The following LRP1B variants were observed in gnomAD, a reference collection of about 807,000 sequenced individuals.
LRP1B encodes low-density lipoprotein receptor-related protein 1B.
In LRP1B, 217 loss-of-function variants were observed where a neutral mutation model predicts 556.6. That is an observed-to-expected ratio of 0.39 (90% confidence interval 0.35 to 0.44). The LOEUF is 0.44. Ranked by LOEUF, LRP1B falls within the 20% of genes least tolerant of loss-of-function variation. LRP1B has a pLI of 1.00. For missense variants in LRP1B, 5,053 were observed against 5,620.8 expected (o/e 0.90, Z 3.23); for synonymous variants, 2,047 against 1,865.8 (o/e 1.10, Z -2.50).
At chr2:140,800,423 A>T (rs1259992587) in intron 32 of LRP1B, among the ~76,000 whole-genome samples, 1 of 152,192 alleles carries the variant, frequency 6.6e-6, no homozygotes, top group Non-Finnish European at 1.5e-5. Flanking sequence ...TTGCTGCACT[A>T]TTTATTAACT....
At chr2:141,716,456 T>C (rs947759971) in intron 2 of LRP1B, among the ~76,000 whole-genome samples, 2 of 152,156 alleles carry the variant, frequency 1.3e-5, no homozygotes, top group Non-Finnish European at 2.9e-5. Flanking sequence ...GAATGACTCT[T>C]TTTTTAGTGC....
intron 32 of LRP1B, among the ~76,000 whole-genome samples, chr2:140,786,195 A>T (rs1003864835): frequency 2.0e-5 from 3 of 152,228 alleles, no homozygotes; most frequent in African/African-American, 7.2e-5. Flanking sequence ...TGACTGCCCA[A>T]AGTGCTCTGT....
At chr2:140,749,794 C>T (rs1688506958) in intron 35 of LRP1B, among the ~76,000 whole-genome samples, 1 of 152,072 alleles carries the variant, frequency 6.6e-6, no homozygotes, top group Non-Finnish European at 1.5e-5. Context: ...ATACATAAAC[C>T]AGTAACATAA....
In LRP1B at chr2:140,334,555, T is replaced by A. The variant is rs760687950; in HGVS notation, c.12121A>T (p.Met4041Leu). 1.0e-5 allele frequency: 16 copies of A among 1,575,236 alleles called. No individual in the cohort carries two copies. Among genetic ancestry groups the A allele is most frequent in the Non-Finnish European group, 1.3e-5 (15 of 1,159,838 alleles). The change falls in exon 79 of 91, where the codon ATG becomes TTG. Residue 4041 changes from methionine to leucine, a missense_variant. By Grantham distance (15) the Met-to-Leu change is conservative. This residue lies in a region of LRP1B where 599 missense variants were observed against 648.4 expected (regional missense o/e 0.92). Coordinates refer to ENST00000389484, the MANE Select transcript of LRP1B (RefSeq NM_018557.3). Reference sequence around the variant, plus strand: ...TGATCCCCAACAACAGTCCAGTACATCATCCTGAAGAGAGCGGGTCAGAGA... The same window carrying A: ...TGATCCCCAACAACAGTCCAGTACAACATCCTGAAGAGAGCGGGTCAGAGA... ...AIAVNPKRGM[M>L]YWTVVGDHSH...
intron 2 of LRP1B, among the ~76,000 whole-genome samples, chr2:141,521,926 A>G (rs748464847): frequency 1.9e-4 from 29 of 152,128 alleles, no homozygotes; most frequent in Non-Finnish European, 3.8e-4. Context: ...CGTGTACAGC[A>G]TCATGCTAGG....
At chr2:141,404,074 T>G (rs1690541836) in intron 3 of LRP1B, among the ~76,000 whole-genome samples, 1 of 152,192 alleles carries the variant, frequency 6.6e-6, no homozygotes, top group South Asian at 2.1e-4. Flanking sequence ...AGGTTCCAGA[T>G]GTGTCTAAAT....
At chr2:140,860,180 A>G (rs940716050) in intron 27 of LRP1B, among the ~76,000 whole-genome samples, 2 of 152,170 alleles carry the variant, frequency 1.3e-5, no homozygotes, top group Non-Finnish European at 2.9e-5. Context: ...ATGTGAAGCA[A>G]TTCATTCTGA....
At chr2:141,838,636 C>T (rs1260780535) in intron 1 of LRP1B, among the ~76,000 whole-genome samples, 1 of 152,124 alleles carries the variant, frequency 6.6e-6, no homozygotes, top group Non-Finnish European at 1.5e-5. Context: ...CTTCAGCATG[C>T]CTCAGTGACT....
At chr2:141,401,194 C>A (rs968038713) in intron 3 of LRP1B, among the ~76,000 whole-genome samples, 1 of 152,046 alleles carries the variant, frequency 6.6e-6, no homozygotes, top group Non-Finnish European at 1.5e-5. Flanking sequence ...TTCTGAGATG[C>A]TTTTAGATAC....
intron 3 of LRP1B, among the ~76,000 whole-genome samples, chr2:141,383,260 G>A (rs149398885): frequency 6.6e-6 from 1 of 152,208 alleles, no homozygotes; most frequent in African/African-American, 2.4e-5. Flanking sequence ...TACTGTTGGT[G>A]AGAATGTAAA....
At chr2:140,617,356 T>A (rs1683294292) in intron 41 of LRP1B, among the ~76,000 whole-genome samples, 1 of 151,932 alleles carries the variant, frequency 6.6e-6, no homozygotes, top group Non-Finnish European at 1.5e-5. Flanking sequence ...CTCAACTGCG[T>A]TTTGCTAAGT....
At chr2:142,120,469 T>C (rs1162022665) in intron 1 of LRP1B, among the ~76,000 whole-genome samples, 3 of 152,134 alleles carry the variant, frequency 2.0e-5, no homozygotes, top group South Asian at 2.1e-4. Flanking sequence ...CAATAATAGC[T>C]TTGTTACAAT....
intron 2 of LRP1B, among the ~76,000 whole-genome samples, chr2:141,735,595 C>G (rs532752478): frequency 1.3e-5 from 2 of 151,808 alleles, no homozygotes; most frequent in Admixed American, 6.6e-5. Context: ...TCCATTACTG[C>G]CCAGTGGAAG....
intron 78 of LRP1B, 51 bp from the exon 79 acceptor site, chr2:140,334,610 C>A: frequency 9.9e-7 from 1 of 1,013,128 alleles, no homozygotes; most frequent in South Asian, 1.6e-5. Context: ...CTGCTATAAC[C>A]AGACTCTGCT....
At chr2:141,632,860 T>A (rs16846719) in intron 2 of LRP1B, among the ~76,000 whole-genome samples, 3,398 of 93,240 alleles carry the variant, frequency 0.036, 124 homozygotes, top group South Asian at 0.23. Flanking sequence ...TGTTAAGTGC[T>A]ACAAGAACCA....
intron 41 of LRP1B, among the ~76,000 whole-genome samples, chr2:140,695,621 A>T (rs1237358521): frequency 6.6e-6 from 1 of 152,126 alleles, no homozygotes. Flanking sequence ...GCTATCTCTA[A>T]TTTTCATTTT....
chr2:141,147,383 T>A (rs971072676), intron 7 of LRP1B, among the ~76,000 whole-genome samples: 1 of 152,224 alleles, frequency 6.6e-6, no homozygotes, highest in Non-Finnish European at 1.5e-5. Context: ...TAAAAATTGT[T>A]ATTTTCTTGT....
At chr2:141,335,322 G>C (rs991066439) in intron 3 of LRP1B, among the ~76,000 whole-genome samples, 1 of 152,170 alleles carries the variant, frequency 6.6e-6, no homozygotes, top group African/African-American at 2.4e-5. Flanking sequence ...CTGAACAGAA[G>C]TTCATTAGGA....
intron 32 of LRP1B, among the ~76,000 whole-genome samples, chr2:140,808,856 G>A (rs1183122478): frequency 6.6e-6 from 1 of 152,100 alleles, no homozygotes; most frequent in African/African-American, 2.4e-5. Context: ...TTTACCCCAG[G>A]CAGAATACAA....
Sources: allele counts gnomAD v4.1 joint callset (sites outside exome capture counted in the v4.1 genomes callset), GRCh38; gene constraint gnomAD v4.1.1; regional missense constraint gnomAD v4.1.1; transcripts MANE v1.5; gene names NCBI Gene and HGNC (gene_info 2026-07-23, HGNC 2026-07-21).